STXBP5L: variants seen among roughly 807,000 people sequenced by gnomAD.
STXBP5L encodes syntaxin binding protein 5L, also known as syntaxin-binding protein 5-like.
In STXBP5L, 65 loss-of-function variants were observed where a neutral mutation model predicts 144.5. The ratio of observed to expected loss-of-function variants is 0.45; its 90% CI spans 0.37 to 0.55. The LOEUF is 0.55. STXBP5L is among the 20% of genes least tolerant of loss of function. STXBP5L has a pLI of 0.00. For missense variants in STXBP5L, 1,298 were observed against 1,405.5 expected, an observed-to-expected ratio of 0.92 and a Z score of 1.22; for synonymous variants, 505 against 469.6, an observed-to-expected ratio of 1.08 and a Z score of -0.97.
intron 9 of STXBP5L, among the ~76,000 whole-genome samples, chr3:121,184,770 C>T (rs922847017): frequency 9.9e-5 from 15 of 152,162 alleles, no homozygotes; most frequent in East Asian, 5.8e-4. Context: ...TTGTCTGATT[C>T]GCCAAGGTTG....
chr3:120,982,719 C>A (rs1482418528), intron 3 of STXBP5L, among the ~76,000 whole-genome samples: 1 of 152,192 alleles, frequency 6.6e-6, no homozygotes, highest in African/African-American at 2.4e-5. Context: ...TTGGCATGTG[C>A]AAGTGCATGC....
At chr3:120,969,056 CAG>C (rs1304042454) in intron 3 of STXBP5L, among the ~76,000 whole-genome samples, 1 of 152,008 alleles carries the variant, frequency 6.6e-6, no homozygotes, top group Non-Finnish European at 1.5e-5. Context: ...GGTAGATACT[CAG>C]TAGTGGGATT....
chr3:121,200,703 C>T (rs1418158509), intron 9 of STXBP5L, among the ~76,000 whole-genome samples: 1 of 152,104 alleles, frequency 6.6e-6, no homozygotes, highest in Non-Finnish European at 1.5e-5. Flanking sequence ...TCATTGGTTT[C>T]AAATAGCTTA....
intron 3 of STXBP5L, among the ~76,000 whole-genome samples, chr3:121,029,554 G>A (rs1315147596): frequency 3.3e-5 from 5 of 151,998 alleles, no homozygotes; most frequent in Middle Eastern, 3.2e-3. Flanking sequence ...AGACTTAAAC[G>A]TAAGACCTAA....
chr3:121,166,340 C>T lies in STXBP5L; in HGVS notation c.877+8713C>T, dbSNP rs556847866. ...TCAATATAATGTTTGTTTCTGTCTC[C>T]TTGCTTTTCTGTACTGCATTCTGGG... On this transcript the variant is annotated intron_variant, in intron 9 of 26. Coordinates refer to ENST00000471454, the MANE Select transcript of STXBP5L (RefSeq NM_001308330.2). 2.6e-3 allele frequency among the ~76,000 whole-genome samples: 399 copies of T among 152,250 alleles called. 4 individuals are homozygous for T. The highest frequency in any genetic ancestry group is 9.0e-3 in the African/African-American group (373 of 41,552).
rs552829170 is a variant in STXBP5L at position 121,268,418 on chromosome 3, T to G, written c.1958+9250T>G. On this transcript the variant is annotated intron_variant, in intron 18 of 26. Coordinates refer to ENST00000471454, the MANE Select transcript of STXBP5L (RefSeq NM_001308330.2). ...TGGGACCTGTCAGGGGATGGGGTGC[T>G]AGGGGAGGGGTAGCATTAGGAGAAG... Among the ~76,000 whole-genome samples the G allele has an allele frequency of 1.9e-4, 29 of 152,042 alleles. No individual in the cohort carries two copies. The South Asian group carries it at 6.0e-3, about 32-fold the overall frequency.
intron 3 of STXBP5L, among the ~76,000 whole-genome samples, chr3:120,969,294 G>A (rs1939963589): frequency 6.6e-6 from 1 of 151,382 alleles, no homozygotes; most frequent in South Asian, 2.1e-4. Context: ...CTGATAATTA[G>A]TGATGTTGAG....
chr3:121,206,704 C>G (rs2048348998), intron 10 of STXBP5L, among the ~76,000 whole-genome samples: 1 of 152,052 alleles, frequency 6.6e-6, no homozygotes, highest in Admixed American at 6.6e-5. Context: ...ATCCCAGCTA[C>G]TTGGGAGGCT....
intron 9 of STXBP5L, among the ~76,000 whole-genome samples, chr3:121,178,637 A>G (rs1464607037): frequency 2.0e-5 from 3 of 152,176 alleles, no homozygotes; most frequent in Non-Finnish European, 2.9e-5. Flanking sequence ...CTGAATGCAC[A>G]TCTCCACTGG....
intron 5 of STXBP5L, among the ~76,000 whole-genome samples, chr3:121,076,417 C>T (rs573301245): frequency 2.6e-5 from 4 of 152,236 alleles, no homozygotes; most frequent in Admixed American, 6.5e-5. Flanking sequence ...TTTTCTATGA[C>T]TCCTTTTCTT....
intron 3 of STXBP5L, among the ~76,000 whole-genome samples, chr3:120,974,400 T>C (rs907279674): frequency 6.6e-6 from 1 of 151,264 alleles, no homozygotes; most frequent in Admixed American, 6.7e-5. Context: ...TTTGTTTTTT[T>C]CTTGTAAATT....
chr3:121,117,812 G>C (rs2044296736), intron 6 of STXBP5L, among the ~76,000 whole-genome samples: 1 of 151,610 alleles, frequency 6.6e-6, no homozygotes, highest in East Asian at 1.9e-4. Flanking sequence ...TTTCCAAAAT[G>C]TATATATTGG....
chr3:121,317,392 C>G (rs958475912), intron 19 of STXBP5L, among the ~76,000 whole-genome samples: 5 of 152,158 alleles, frequency 3.3e-5, no homozygotes, highest in African/African-American at 1.2e-4. Context: ...TATAGTTTCT[C>G]ACTTATAAAA....
At chr3:121,363,565 G>T (rs1341362035) in intron 20 of STXBP5L, among the ~76,000 whole-genome samples, 1 of 151,996 alleles carries the variant, frequency 6.6e-6, no homozygotes, top group Non-Finnish European at 1.5e-5. Flanking sequence ...CACAATTGCT[G>T]TTTTCTCCCT....
chr3:121,340,664 T>A (rs2044675695), intron 20 of STXBP5L, among the ~76,000 whole-genome samples: 1 of 152,088 alleles, frequency 6.6e-6, no homozygotes, highest in Admixed American at 6.6e-5. Flanking sequence ...CATGAACTCA[T>A]CCTTTTTATG....
At chr3:121,020,298 C>G (rs1354862955) in intron 3 of STXBP5L, among the ~76,000 whole-genome samples, 1 of 152,038 alleles carries the variant, frequency 6.6e-6, no homozygotes, top group Admixed American at 6.6e-5. Flanking sequence ...TATTGGTGTT[C>G]CCCAGGAAGA....
At chr3:121,106,270 G>A (rs1477877628) in intron 5 of STXBP5L, among the ~76,000 whole-genome samples, 1 of 151,980 alleles carries the variant, frequency 6.6e-6, no homozygotes, top group Non-Finnish European at 1.5e-5. Context: ...TAAAGTTCTG[G>A]GATACATGTG....
intron 20 of STXBP5L, among the ~76,000 whole-genome samples, chr3:121,324,168 G>A (rs909290038): frequency 1.3e-5 from 2 of 152,072 alleles, no homozygotes; most frequent in African/African-American, 2.4e-5. Context: ...AAATATCATA[G>A]AGGTTAGTCA....
intron 3 of STXBP5L, among the ~76,000 whole-genome samples, chr3:121,015,969 A>C (rs1003287352): frequency 1.3e-5 from 2 of 152,204 alleles, no homozygotes; most frequent in South Asian, 2.1e-4. Flanking sequence ...CATGCTAACC[A>C]GTCTTCATAT....
Sources: allele counts gnomAD v4.1 joint callset (sites outside exome capture counted in the v4.1 genomes callset), GRCh38; gene constraint gnomAD v4.1.1; transcripts MANE v1.5; gene names NCBI Gene and HGNC (gene_info 2026-07-23, HGNC 2026-07-21).